PADI6: variants seen among roughly 807,000 people sequenced by gnomAD.
PADI6 encodes peptidyl arginine deiminase 6.
A neutral mutation model predicts 78.2 loss-of-function variants in PADI6; 66 were observed. The ratio of observed to expected loss-of-function variants is 0.84; its 90% confidence interval spans 0.69 to 1.04. The LOEUF is 1.04. Among genes scored for constraint, PADI6 ranks in the 50% least tolerant of loss-of-function variants. The pLI, the probability that PADI6 is intolerant of heterozygous loss-of-function variation, is 0.00. For synonymous variants in PADI6, 397 were observed against 346.9 expected, an observed-to-expected ratio of 1.14 and a Z score of -1.60; for missense variants, 854 against 866.1, an observed-to-expected ratio of 0.99 and a Z score of 0.18.
At chr1:17,379,249 G>T (rs1287824309) in intron 3 of PADI6, among the ~76,000 whole-genome samples, 1 of 148,768 alleles carries the variant, frequency 6.7e-6, no homozygotes, top group Non-Finnish European at 1.5e-5. Flanking sequence ...GAGAAGCTGG[G>T]ACTACAGGCG....
chr1:17,378,925 G>T (rs919957449), intron 3 of PADI6, among the ~76,000 whole-genome samples: 24 of 145,388 alleles, frequency 1.7e-4, no homozygotes, highest in Middle Eastern at 3.7e-3. Flanking sequence ...TTTTAAAGGG[G>T]CTTAGAATTG....
chr1:17,385,117 T>C (rs1322343839), intron 6 of PADI6, among the ~76,000 whole-genome samples: 1 of 152,112 alleles, frequency 6.6e-6, no homozygotes, highest in Non-Finnish European at 1.5e-5. Flanking sequence ...CCCAGCACTT[T>C]GGGAGGCCAA....
chr1:17,396,635 C>T (rs2075250079), intron 13 of PADI6, among the ~76,000 whole-genome samples: 1 of 152,134 alleles, frequency 6.6e-6, no homozygotes, highest in Non-Finnish European at 1.5e-5. Flanking sequence ...AGACTATCAC[C>T]TCAGAGCTGG....
intron 2 of PADI6, 101 bp downstream of exon 2, chr1:17,373,334 A>G: frequency 7.2e-7 from 1 of 1,395,420 alleles, no homozygotes; most frequent in Non-Finnish European, 9.8e-7. Context: ...AGCCTGGGAA[A>G]CACGTTGTTT....
Position 17,395,103 on chromosome 1 carries a change from A to G in PADI6, c.1490A>G (p.Lys497Arg). Residue 497 changes from lysine (K) to arginine (R), a missense_variant, in exon 12 of 16, where the codon AAA (lysine) becomes AGA (arginine). Coordinates refer to ENST00000619609, the MANE Select transcript of PADI6 (RefSeq NM_207421.4). ...FIPTDDKNEG[K>R]KGFLLLLASP... ...CCCACAGATGACAAGAATGAGGGCAAAAAGGTCTGCTTTGGGGTCTGGAGA... is the reference window on the plus strand; with the variant it reads ...CCCACAGATGACAAGAATGAGGGCAGAAAGGTCTGCTTTGGGGTCTGGAGA... The G allele has an allele frequency of 6.2e-7, 1 of 1,613,862 alleles. No individual in the cohort carries two copies. Among genetic ancestry groups the G allele is most frequent in the Non-Finnish European group, 8.5e-7 (1 of 1,179,784 alleles).
intron 2 of PADI6, among the ~76,000 whole-genome samples, chr1:17,374,968 CCTT>C (rs1178523818): frequency 5.3e-5 from 8 of 152,226 alleles, no homozygotes; most frequent in South Asian, 4.1e-4. Context: ...ACCTGGGTGT[CCTT>C]CTTAGTGAGC....
Position 17,380,721 on chromosome 1 carries a change from T to C in PADI6, c.436-326T>C, listed in dbSNP as rs1280464633. On this transcript the variant is annotated intron_variant, in intron 4 of 15. Transcript: ENST00000619609. ...ACTCTAGGCTCATGTCCTACCCTGG[T>C]TGTGGAGTCTCCTAGATGAGAGGAT... Among the ~76,000 whole-genome samples, 5 of 152,062 alleles carry C rather than the reference T, an allele frequency of 3.3e-5. 1 individual carries two copies. Among genetic ancestry groups the C allele is most frequent in the African/African-American group, 2.4e-5 (1 of 41,428 alleles).
At position 17,381,072 on chromosome 1, in the gene PADI6, G is replaced by A. The variant is rs1381441898; in HGVS notation, c.461G>A (p.Gly154Asp). The A allele has an allele frequency of 6.2e-7, 1 of 1,606,412 alleles. No individual in the cohort carries two copies. ...AAAAAATGGATCTGGGGTCCCAGCG[G>A]TTGGGGTGCCATCCTGCTTGTGAAT... ...AKKKWIWGPSGWGAILLVNCN... is the reference protein window; with the variant it reads ...AKKKWIWGPSDWGAILLVNCN... Residue 154 changes from glycine (G) to aspartate (D), a missense_variant, in exon 5 of 16, where the codon GGT becomes GAT. Coordinates refer to ENST00000619609, the MANE Select transcript of PADI6 (RefSeq NM_207421.4).
At chr1:17,389,044 A>G (rs910276592) in intron 8 of PADI6, among the ~76,000 whole-genome samples, 164 bp downstream of exon 8, 9 of 152,208 alleles carry the variant, frequency 5.9e-5, no homozygotes, top group Non-Finnish European at 1.0e-4. Context: ...AGTCCAATAC[A>G]TGCCTGAATA....
At chr1:17,383,769 G>GGC (rs1460005785) in intron 6 of PADI6, among the ~76,000 whole-genome samples, 1 of 152,150 alleles carries the variant, frequency 6.6e-6, no homozygotes, top group Non-Finnish European at 1.5e-5. Context: ...GAACCCGAAA[G>GGC]GCAGAGGTTG....
At chr1:17,392,590 T>C (rs1192521487) in intron 9 of PADI6, among the ~76,000 whole-genome samples, 1 of 152,186 alleles carries the variant, frequency 6.6e-6, no homozygotes, top group Non-Finnish European at 1.5e-5. Flanking sequence ...CCGGTCAGCC[T>C]TCGGTTCTAG....
At chr1:17,372,454 C>T (rs1477653882) in intron 1 of PADI6, 93 bp downstream of exon 1, 5 of 1,202,942 alleles carry the variant, frequency 4.2e-6, no homozygotes, top group Non-Finnish European at 6.1e-6. Flanking sequence ...GGGGTTACTT[C>T]TCTAGCCTCA....
intron 12 of PADI6, 89 bp downstream of exon 12, chr1:17,395,196 C>G (rs1363183760): frequency 8.1e-7 from 1 of 1,241,484 alleles, no homozygotes. Context: ...CTGGCTTTTT[C>G]TTGTTTTTTT....
chr1:17,393,914 C>T lies in PADI6; in HGVS notation c.1075-61C>T, dbSNP rs191741211. On this transcript the variant is annotated intron_variant, in intron 9 of 15. Transcript: ENST00000619609. ...AAGGGGGTTCTTACCGTACCTTTTC[C>T]GTAAATGGGGTCCGGGGAGATGTGT... 203 of 1,486,054 alleles carry T rather than the reference C, an allele frequency of 1.4e-4. 1 individual carries two copies. In the African/African-American group the frequency reaches 1.6e-3, roughly 12 times the overall value. 92.1% of individuals were successfully genotyped at this position (1,486,054 alleles called of 1,614,324 possible). A position where few individuals can be genotyped will look rare whatever the true frequency, so the allele number is the denominator to read the frequency against.
At position 17,395,554 on chromosome 1, in the gene PADI6, C is replaced by A; in HGVS notation, c.1509C>A (p.Leu503=). 6.4e-7 allele frequency: 1 copy of A among 1,557,336 alleles called. No individual in the cohort carries two copies. The highest frequency in any genetic ancestry group is 8.7e-7 in the Non-Finnish European group (1 of 1,149,888). Residue 503 remains leucine, a synonymous_variant, in exon 13 of 16, where the codon CTC becomes CTA. Coordinates refer to ENST00000619609, the MANE Select transcript of PADI6 (RefSeq NM_207421.4). ...KNEGKKGFLL[L]LASPSACYKL... is the part of the protein sequence containing the mutation. ...CTGTTTCCCAGGGCTTCCTGCTGCTCCTGGCCAGCCCCAGTGCCTGCTATA... is the reference window on the plus strand; with the variant it reads ...CTGTTTCCCAGGGCTTCCTGCTGCTACTGGCCAGCCCCAGTGCCTGCTATA...
At chr1:17,383,495 G>T (rs2075091970) in intron 6 of PADI6, among the ~76,000 whole-genome samples, 1 of 152,226 alleles carries the variant, frequency 6.6e-6, no homozygotes, top group Non-Finnish European at 1.5e-5. Flanking sequence ...CATGTAGCTT[G>T]CTAAGGATGC....
chr1:17,401,095 G>T, intron 15 of PADI6, 110 bp from the exon 16 acceptor site: 1 of 921,862 alleles, frequency 1.1e-6, no homozygotes, highest in East Asian at 2.5e-5. Flanking sequence ...ACCTGGAGGA[G>T]GCGGCTGCCT....
chr1:17,394,546 C>CA lies in PADI6; in HGVS notation c.1337+93dup, dbSNP rs1202410352. 1.2e-5 allele frequency: 16 copies of CA among 1,352,272 alleles called. No homozygotes were observed. The Admixed American group carries it at 2.6e-4, about 22-fold the overall frequency. The allele number at this position is 1,352,272 out of a possible 1,614,324, so 83.8% of individuals were successfully genotyped here. A position where few individuals can be genotyped will look rare whatever the true frequency, so the allele number is the denominator to read the frequency against. ...TGCTTCCCATAGCACCTCAGCAGGT[C>CA]ACACACACTGGACCATTTCTTAAAC... is the stretch of plus-strand genomic sequence containing the variant. On this transcript the variant is annotated intron_variant, in intron 11 of 15. Coordinates refer to ENST00000619609, the MANE Select transcript of PADI6 (RefSeq NM_207421.4).
chr1:17,393,242 T>C (rs2075208395), intron 9 of PADI6, among the ~76,000 whole-genome samples: 1 of 152,202 alleles, frequency 6.6e-6, no homozygotes, highest in African/African-American at 2.4e-5. Flanking sequence ...GGCTACCTCC[T>C]GGTTAAGGTA....
Sources: gnomAD v4.1 joint callset for allele counts (sites outside exome capture counted in the v4.1 genomes callset) on GRCh38, gnomAD v4.1.1 for gene constraint, MANE v1.5 for transcripts, NCBI Gene and HGNC (gene_info 2026-07-23, HGNC 2026-07-21) for gene names.